ARHGAP32: variants seen among roughly 807,000 people sequenced by gnomAD.
The protein encoded by ARHGAP32 is rho GTPase-activating protein 32.
ARHGAP32 carries 51 observed loss-of-function variants against 186.5 expected under a neutral mutation model. The observed-to-expected ratio is 0.27, with a 90% confidence interval of 0.22 to 0.35. The LOEUF is 0.35. ARHGAP32 is among the 10% of genes least tolerant of loss of function. The probability of loss-of-function intolerance (pLI) is 1.00; values close to 1 mark genes in which losing one functional copy is unlikely to be tolerated. For synonymous variants in ARHGAP32, 950 were observed against 964.3 expected, an observed-to-expected ratio of 0.99 and a Z score of 0.27; for missense variants, 2,186 against 2,623.5, an observed-to-expected ratio of 0.83 and a Z score of 3.64.
intron 10 of ARHGAP32, among the ~76,000 whole-genome samples, chr11:129,058,423 G>T (rs1940354533): frequency 6.6e-6 from 1 of 152,110 alleles, no homozygotes; most frequent in African/African-American, 2.4e-5. Flanking sequence ...CAGGAGTCAT[G>T]AAAAATCTTC....
At chr11:129,237,207 T>G (rs1452215729) in intron 1 of ARHGAP32, among the ~76,000 whole-genome samples, 1 of 152,226 alleles carries the variant, frequency 6.6e-6, no homozygotes, top group Non-Finnish European at 1.5e-5. Flanking sequence ...TGGTCTGTAG[T>G]CTTCTTTTTT....
At chr11:129,127,313 G>C (rs1439478374) in intron 2 of ARHGAP32, among the ~76,000 whole-genome samples, 1 of 152,162 alleles carries the variant, frequency 6.6e-6, no homozygotes, top group African/African-American at 2.4e-5. Context: ...TGCCTAAAAA[G>C]ACAAAATGAT....
chr11:129,248,641 C>T (rs779016918), intron 1 of ARHGAP32, among the ~76,000 whole-genome samples: 3 of 152,072 alleles, frequency 2.0e-5, no homozygotes, highest in Admixed American at 6.6e-5. Context: ...TACATATAAA[C>T]GTCATAACAC....
intron 1 of ARHGAP32, among the ~76,000 whole-genome samples, chr11:129,263,684 G>GAA (rs1945355258): frequency 7.6e-6 from 1 of 131,026 alleles, no homozygotes; most frequent in Non-Finnish European, 1.7e-5. Context: ...AGGAAGAAAA[G>GAA]AAAGAGAAAA....
chr11:128,969,928 T>C lies in ARHGAP32; in HGVS notation c.5285A>G (p.Glu1762Gly). 2 of 1,614,258 alleles carry C rather than the reference T, an allele frequency of 1.2e-6. No individual in the cohort carries two copies. The highest frequency in any genetic ancestry group is 1.7e-6 in the Non-Finnish European group (2 of 1,180,046). Residue 1762 changes from glutamate to glycine, a missense_variant, in exon 23 of 23, where the codon GAA (glutamate) becomes GGA (glycine). By Grantham distance (98) the Glu-to-Gly change is moderately conservative (BLOSUM62 -2). This residue lies in a region of ARHGAP32 where 1,502 missense variants were observed against 1,570.0 expected (regional missense o/e 0.96). Coordinates refer to ENST00000682385, the MANE Select transcript of ARHGAP32 (RefSeq NM_001378024.1). This position sits in a 1 kb window ranked among gnomAD's most constrained non-coding sequence, Gnocchi z 4.8. ...TYTSWDLEDM[E>G]KYRMQSIRRE... Reference sequence around the variant, plus strand: ...CCGGATGGACTGCATGCGGTATTTTTCCATGTCCTCAAGATCCCATGAGGT... The same window carrying C: ...CCGGATGGACTGCATGCGGTATTTTCCCATGTCCTCAAGATCCCATGAGGT...
At chr11:129,094,636 A>G (rs1384604510) in intron 5 of ARHGAP32, among the ~76,000 whole-genome samples, 3 of 152,168 alleles carry the variant, frequency 2.0e-5, no homozygotes, top group South Asian at 2.1e-4. Flanking sequence ...AGAACTGACT[A>G]CCCTGTAGTT....
chr11:129,248,282 T>G (rs1028082106), intron 1 of ARHGAP32, among the ~76,000 whole-genome samples: 4 of 152,236 alleles, frequency 2.6e-5, no homozygotes, highest in African/African-American at 9.6e-5. Context: ...AGGAAAGATT[T>G]GTTTCCTTCT....
chr11:129,251,347 A>G (rs899147084), intron 1 of ARHGAP32, among the ~76,000 whole-genome samples: 15 of 152,230 alleles, frequency 9.9e-5, no homozygotes, highest in Non-Finnish European at 1.8e-4. Flanking sequence ...ACCTTAGAAC[A>G]GCCTAAGTAG....
intron 2 of ARHGAP32, among the ~76,000 whole-genome samples, chr11:129,138,728 C>T (rs906430303): frequency 2.6e-5 from 4 of 152,152 alleles, no homozygotes; most frequent in Admixed American, 2.6e-4. Flanking sequence ...ATGTGTCTAA[C>T]CCTTTCAAAA....
At chr11:129,029,470 T>C (rs1417260451) in intron 11 of ARHGAP32, among the ~76,000 whole-genome samples, 1 of 152,098 alleles carries the variant, frequency 6.6e-6, no homozygotes, top group African/African-American at 2.4e-5. Flanking sequence ...TTGTGAAGCC[T>C]CAGGCAGGTG....
At chr11:129,024,304 C>T (rs369574280) in intron 11 of ARHGAP32, 5 of 248,438 alleles carry the variant, frequency 2.0e-5, no homozygotes, top group African/African-American at 1.2e-4. Flanking sequence ...TCAGAAAACA[C>T]CAGTATGAAA....
rs908858667 is a variant in ARHGAP32, at chr11:128,967,121, A to G, written c.*1786T>C. The stretch of plus-strand genomic sequence containing the variant: ...AAGGGAACAAAAGAAAACCTTATAG[A>G]ATATTTCCACATATCAATGTGTTGT... On this transcript the variant is annotated 3_prime_UTR_variant, in exon 23 of 23. Coordinates refer to ENST00000682385, the MANE Select transcript of ARHGAP32 (RefSeq NM_001378024.1). The G allele has an allele frequency of 6.6e-6, 1 of 152,222 alleles. No individual in the cohort carries two copies. Among genetic ancestry groups the G allele is most frequent in the Non-Finnish European group, 1.5e-5 (1 of 68,044 alleles). The allele number at this position is 152,222 out of a possible 1,614,324, so 9.4% of individuals were successfully genotyped here. A position where few individuals can be genotyped will look rare whatever the true frequency, so the allele number is the denominator to read the frequency against.
chr11:129,132,487 A>C (rs2135406739), intron 2 of ARHGAP32, among the ~76,000 whole-genome samples: 1 of 152,174 alleles, frequency 6.6e-6, no homozygotes, highest in East Asian at 1.9e-4. Flanking sequence ...AGAAAAAAAA[A>C]AAAAAGCAGG....
intron 10 of ARHGAP32, among the ~76,000 whole-genome samples, chr11:129,049,044 A>C (rs1939928959): frequency 1.3e-5 from 2 of 152,122 alleles, no homozygotes; most frequent in African/African-American, 4.8e-5. Context: ...GTATACCGTC[A>C]CAAGGAGTTT....
intron 1 of ARHGAP32, among the ~76,000 whole-genome samples, chr11:129,263,363 A>C (rs1945348970): frequency 6.6e-6 from 1 of 152,176 alleles, no homozygotes; most frequent in Non-Finnish European, 1.5e-5. Context: ...AAAATATGTA[A>C]AGAACTCCTA....
intron 1 of ARHGAP32, among the ~76,000 whole-genome samples, chr11:129,246,880 T>TAA (rs1945107140): frequency 6.6e-6 from 1 of 152,214 alleles, no homozygotes; most frequent in South Asian, 2.1e-4. Flanking sequence ...ACCATGCTGT[T>TAA]AAAATAGGTC....
intron 11 of ARHGAP32, among the ~76,000 whole-genome samples, chr11:129,035,483 A>G (rs977791939): frequency 1.3e-5 from 2 of 152,210 alleles, no homozygotes; most frequent in Admixed American, 1.3e-4. Context: ...CCGTAGGCAA[A>G]GACAGTTTTA....
intron 11 of ARHGAP32, among the ~76,000 whole-genome samples, chr11:129,028,420 T>C (rs982110387): frequency 1.3e-5 from 2 of 152,262 alleles, no homozygotes; most frequent in African/African-American, 4.8e-5. Flanking sequence ...AAAAAATGGC[T>C]GCAAAGATAA....
At chr11:128,971,214 G>A (rs371579197) in intron 22 of ARHGAP32, 55 bp from the exon 23 acceptor site, 11 of 1,456,362 alleles carry the variant, frequency 7.6e-6, no homozygotes, top group Non-Finnish European at 1.0e-5. Flanking sequence ...TATGAATCAA[G>A]TACTATTAAA....
Sources: gnomAD v4.1 joint callset for allele counts (sites outside exome capture counted in the v4.1 genomes callset) on GRCh38, gnomAD v4.1.1 for gene constraint, gnomAD v4.1.1 regional missense constraint, Gnocchi (gnomAD v3.1) non-coding constraint, MANE v1.5 for transcripts, NCBI Gene and HGNC (gene_info 2026-07-23, HGNC 2026-07-21) for gene names.